The following BCL7C variants were observed in gnomAD, a reference collection of about 807,000 sequenced individuals.
BCL7C encodes BAF chromatin remodeling complex subunit BCL7C, also known as B-cell CLL/lymphoma 7 protein family member C.
Under a neutral mutation model 26.2 loss-of-function variants are expected in BCL7C, and 8 were observed. The observed-to-expected ratio is 0.30, with a 90% CI of 0.18 to 0.55. The LOEUF (loss-of-function observed/expected upper bound fraction) is 0.55, where lower values mean the gene tolerates loss of function less well. BCL7C is among the 20% of genes least tolerant of loss of function. The probability of loss-of-function intolerance (pLI) is 0.93; values close to 1 mark genes in which losing one functional copy is unlikely to be tolerated. For synonymous variants in BCL7C, 90 were observed against 116.5 expected, an observed-to-expected ratio of 0.77 and a Z score of 1.47; for missense variants, 262 against 298.5, an observed-to-expected ratio of 0.88 and a Z score of 0.90.
chr16:30,869,546 C>T (rs1267798282), intron 5 of BCL7C, among the ~76,000 whole-genome samples: 1 of 143,130 alleles, frequency 7.0e-6, no homozygotes, highest in Non-Finnish European at 1.5e-5. Flanking sequence ...GGGTCTCGCT[C>T]TGTTGCCCAG....
At chr16:30,852,344 C>T (rs1343112116) in intron 5 of BCL7C, 1 of 151,886 alleles carries the variant, frequency 6.6e-6, no homozygotes, top group Non-Finnish European at 1.5e-5. Context: ...GTAAAATAAA[C>T]AGCAGTAATG....
chr16:30,885,913 G>A (rs1328835256), downstream of BCL7C, among the ~76,000 whole-genome samples: 1 of 152,022 alleles, frequency 6.6e-6, no homozygotes, highest in Admixed American at 6.6e-5. Flanking sequence ...GCACAGTGGT[G>A]CAATCATCAC....
At chr16:30,861,014 A>G (rs779634993) in intron 5 of BCL7C, among the ~76,000 whole-genome samples, 1 of 152,068 alleles carries the variant, frequency 6.6e-6, no homozygotes, top group Non-Finnish European at 1.5e-5. Context: ...TTCCTCTTAG[A>G]GAGGTGGCTG....
At chr16:30,844,819 G>A (rs946429260) in intron 5 of BCL7C, among the ~76,000 whole-genome samples, 4 of 152,146 alleles carry the variant, frequency 2.6e-5, no homozygotes, top group Non-Finnish European at 5.9e-5. Context: ...CTAAGATAAC[G>A]GGCTGGACTT....
chr16:30,878,967 G>C (rs1307192143), intron 5 of BCL7C, among the ~76,000 whole-genome samples: 1 of 152,192 alleles, frequency 6.6e-6, no homozygotes, highest in Non-Finnish European at 1.5e-5. Flanking sequence ...CTCAGCCATG[G>C]GGAGCCATGG....
At chr16:30,871,642 A>G (rs113347279) in intron 5 of BCL7C, among the ~76,000 whole-genome samples, 2,208 of 151,786 alleles carry the variant, frequency 0.015, 75 homozygotes, top group African/African-American at 0.05. Flanking sequence ...GCACCACCAC[A>G]CCTGGCTTAT....
At chr16:30,879,723 C>G (rs969363948) in intron 5 of BCL7C, among the ~76,000 whole-genome samples, 1 of 78,934 alleles carries the variant, frequency 1.3e-5, no homozygotes, top group South Asian at 6.3e-4. Context: ...GGCACGGTGG[C>G]TCACATCTGT....
intron 5 of BCL7C, among the ~76,000 whole-genome samples, chr16:30,858,960 A>G (rs902785082): frequency 6.6e-6 from 1 of 152,234 alleles, no homozygotes; most frequent in Non-Finnish European, 1.5e-5. Flanking sequence ...GAATCCTCTA[A>G]GGGTGCCCAT....
intron 5 of BCL7C, among the ~76,000 whole-genome samples, chr16:30,850,212 A>C (rs1347012288): frequency 6.7e-6 from 1 of 148,924 alleles, no homozygotes; most frequent in Non-Finnish European, 1.5e-5. Context: ...TCCATCTCAA[A>C]AAAAAAAAAA....
intron 4 of BCL7C, among the ~76,000 whole-genome samples, chr16:30,891,597 A>G (rs889553736): frequency 6.6e-6 from 1 of 152,164 alleles, no homozygotes; most frequent in Admixed American, 6.6e-5. Context: ...TATCACTATT[A>G]TTTATTCACT....
At chr16:30,858,286 T>C (rs938076909) in intron 5 of BCL7C, among the ~76,000 whole-genome samples, 1 of 152,160 alleles carries the variant, frequency 6.6e-6, no homozygotes, top group Non-Finnish European at 1.5e-5. Flanking sequence ...CAGAGCTCCT[T>C]GATTGAAGGA....
intron 5 of BCL7C, among the ~76,000 whole-genome samples, chr16:30,864,161 C>G (rs1596596412): frequency 6.6e-6 from 1 of 152,058 alleles, no homozygotes; most frequent in South Asian, 2.1e-4. Flanking sequence ...AAGGAGGACT[C>G]TGTATATTTT....
chr16:30,855,117 AC>A (rs1305358410), intron 5 of BCL7C, among the ~76,000 whole-genome samples: 1 of 152,148 alleles, frequency 6.6e-6, no homozygotes, highest in African/African-American at 2.4e-5. Context: ...TCGCACACAG[AC>A]TTTTTGTTTT....
chr16:30,892,219 G>A (rs73526624), intron 4 of BCL7C, among the ~76,000 whole-genome samples: 54 of 120,886 alleles, frequency 4.5e-4, no homozygotes, highest in African/African-American at 1.7e-3. Context: ...AGTGAGCTAT[G>A]ATCACACCAC....
downstream of BCL7C, among the ~76,000 whole-genome samples, chr16:30,886,469 C>T (rs2055134495): frequency 1.3e-5 from 2 of 152,264 alleles, no homozygotes; most frequent in South Asian, 4.1e-4. Flanking sequence ...CACATGCCAC[C>T]TCCTCAGAGA....
At chr16:30,885,159 G>A (rs11859376), downstream of BCL7C, among the ~76,000 whole-genome samples, 6,074 of 152,270 alleles carry the variant, frequency 0.04, 349 homozygotes, top group African/African-American at 0.13. Context: ...GATAGGAAGA[G>A]TGTCCTAGAT....
intron 5 of BCL7C, among the ~76,000 whole-genome samples, chr16:30,837,499 C>G (rs559428165): frequency 6.6e-6 from 1 of 152,214 alleles, no homozygotes; most frequent in African/African-American, 2.4e-5. Flanking sequence ...AGGCGCCCAC[C>G]ACCACGCCCA....
chr16:30,869,162 G>A (rs2054859737), intron 5 of BCL7C, among the ~76,000 whole-genome samples: 1 of 152,110 alleles, frequency 6.6e-6, no homozygotes, highest in African/African-American at 2.4e-5. Context: ...GCTTTGCTGT[G>A]TCACTCGGGG....
At chr16:30,842,647 C>T (rs1349931732) in intron 5 of BCL7C, among the ~76,000 whole-genome samples, 2 of 152,190 alleles carry the variant, frequency 1.3e-5, no homozygotes, top group Non-Finnish European at 2.9e-5. Flanking sequence ...CAGCTCACTG[C>T]AACCTCCACT....
Sources: gnomAD v4.1 joint callset for allele counts (sites outside exome capture counted in the v4.1 genomes callset) on GRCh38, gnomAD v4.1.1 for gene constraint, MANE v1.5 for transcripts, NCBI Gene and HGNC (gene_info 2026-07-23, HGNC 2026-07-21) for gene names.